POLR1C: variants seen among roughly 807,000 people sequenced by gnomAD.
The protein encoded by POLR1C is DNA-directed RNA polymerases I and III subunit RPAC1.
POLR1C carries 42 observed loss-of-function variants against 38.3 expected under a neutral mutation model. The ratio of observed to expected loss-of-function variants is 1.10; its 90% CI spans 0.86 to 1.42. The LOEUF is 1.42. Ranked by LOEUF, POLR1C falls within the 40% of genes most tolerant of loss-of-function variation. POLR1C has a pLI of 0.00. For synonymous variants in POLR1C, 163 were observed against 163.9 expected, an observed-to-expected ratio of 0.99 and a Z score of 0.04; for missense variants, 507 against 450.5, an observed-to-expected ratio of 1.13 and a Z score of -1.14.
chr6:43,551,234 A>T (rs1009597749), intron 10 of POLR1C: 4 of 1,460,998 alleles, frequency 2.7e-6, no homozygotes, highest in African/African-American at 1.5e-5. Flanking sequence ...CCAAAAAAAT[A>T]AAATAAATAA....
At chr6:43,519,543 T>A (rs1228081887) in intron 3 of POLR1C, 103 bp downstream of exon 3, 4 of 1,398,364 alleles carry the variant, frequency 2.9e-6, no homozygotes, top group Non-Finnish European at 4.1e-6. Flanking sequence ...TCCTTAATTT[T>A]CCTGGAATTT....
chr6:43,539,120 A>C, intron 9 of POLR1C: 1 of 1,219,264 alleles, frequency 8.2e-7, no homozygotes, highest in South Asian at 1.2e-5. Flanking sequence ...TGCAGGGATG[A>C]GGCGCACCAG....
At chr6:43,538,777 T>C in intron 9 of POLR1C, 2 of 698,532 alleles carry the variant, frequency 2.9e-6, no homozygotes, top group South Asian at 2.4e-5. Context: ...TTTTCTTTTT[T>C]TTTTTCCCAC....
At chr6:43,549,429 C>T in intron 9 of POLR1C, 1 of 1,499,830 alleles carries the variant, frequency 6.7e-7, no homozygotes, top group Non-Finnish European at 9.0e-7. Context: ...ACACTGAAAG[C>T]TGGATTTACA....
chr6:43,535,532 T>C (rs555008785), intron 9 of POLR1C, among the ~76,000 whole-genome samples: 2 of 152,200 alleles, frequency 1.3e-5, no homozygotes, highest in Admixed American at 6.6e-5. Context: ...TAAGCCTCCA[T>C]AGTTTGTTCT....
rs750361482 is a variant in POLR1C at position 43,562,354 on chromosome 6, AT to A, written c.*1004del. 27 of 1,593,732 alleles carry A rather than the reference AT, an allele frequency of 1.7e-5. No homozygotes were observed. Among genetic ancestry groups the A allele is most frequent in the Non-Finnish European group, 1.4e-5 (16 of 1,167,868 alleles). On this transcript the variant is annotated 3_prime_UTR_variant, in exon 11 of 11. Transcript: ENST00000607635. ...CCTCCTCCATCAGCAGTCCTGTAAG[AT>A]GAGAATTCCTTATATCACCAACAAA... is the stretch of plus-strand genomic sequence containing the variant.
chr6:43,519,660 G>T (rs753022922), intron 3 of POLR1C, 46 bp from the exon 4 acceptor site: 1 of 1,613,870 alleles, frequency 6.2e-7, no homozygotes, highest in Non-Finnish European at 8.5e-7. Context: ...ATAGGTAGGG[G>T]GTCTGTTGGG....
chr6:43,531,807 T>TC (rs920406631), downstream of POLR1C, among the ~76,000 whole-genome samples: 10 of 151,374 alleles, frequency 6.6e-5, no homozygotes, highest in African/African-American at 2.2e-4. Context: ...CTTTTTTTTT[T>TC]CCCCCAGATG....
downstream of POLR1C, chr6:43,523,752 T>C (rs748098205): frequency 1.3e-6 from 2 of 1,553,836 alleles, no homozygotes; most frequent in African/African-American, 2.7e-5. Context: ...TGGATCTCTT[T>C]CCAGGCTGAC....
At chr6:43,558,190 A>G (rs72859003) in intron 10 of POLR1C, among the ~76,000 whole-genome samples, 7,996 of 152,228 alleles carry the variant, frequency 0.053, 299 homozygotes, top group Non-Finnish European at 0.077. Flanking sequence ...TTTTTGGGGG[A>G]AAGAAATAAC....
intron 10 of POLR1C, among the ~76,000 whole-genome samples, chr6:43,558,151 G>C (rs1180223720): frequency 4.6e-5 from 7 of 151,584 alleles, no homozygotes; most frequent in East Asian, 3.9e-4. Flanking sequence ...AACAGAACTA[G>C]AATATTAGAA....
rs1793120686 is a variant in POLR1C, at chr6:43,520,725, G to A, written c.756G>A (p.Glu252=). 1.9e-6 allele frequency: 3 copies of A among 1,614,186 alleles called. No individual in the cohort carries two copies. The highest frequency in any genetic ancestry group is 2.2e-5 in the East Asian group (1 of 44,878). The change falls in exon 7 of 9, where the codon GAG becomes GAA. Residue 252 remains glutamate (E), a synonymous_variant. Coordinates refer to ENST00000642195, the MANE Select transcript of POLR1C (RefSeq NM_203290.4). ...CCGTGGAAGGGGAGGCAGCTGAGGA[G>A]TTGAGCAGGTGCTTCTCACCTGGTG... ...LEPVEGEAAE[E]LSRCFSPGVI...
downstream of POLR1C, among the ~76,000 whole-genome samples, chr6:43,521,882 G>A (rs1189173315): frequency 6.6e-6 from 1 of 152,154 alleles, no homozygotes; most frequent in Non-Finnish European, 1.5e-5. Context: ...AAGAACATCA[G>A]ATGTGCACTC....
chr6:43,558,628 G>A, intron 10 of POLR1C: 4 of 1,487,692 alleles, frequency 2.7e-6, no homozygotes, highest in African/African-American at 1.4e-5. Context: ...GGGGATGAAA[G>A]TGGACCCACT....
rs751906432 is a variant in POLR1C, at chr6:43,519,829, C to T, written c.373C>T (p.Arg125Trp). 11 of 1,614,036 alleles carry T rather than the reference C, an allele frequency of 6.8e-6. No homozygotes were observed. Among genetic ancestry groups the T allele is most frequent in the Admixed American group, 5.0e-5 (3 of 59,996 alleles). ...IHADPRLFEY[R>W]NQGDEEGTEI... Reference sequence around the variant, plus strand: ...TGCTGATCCCCGTCTTTTTGAGTATCGGAACCAAGGTGAGAAAATGAAATT... The same window carrying T: ...TGCTGATCCCCGTCTTTTTGAGTATTGGAACCAAGGTGAGAAAATGAAATT... Residue 125 changes from arginine to tryptophan, a missense_variant, in exon 4 of 9, where the codon CGG becomes TGG. Arg to Trp is a moderately radical substitution (Grantham distance 101). Transcript: ENST00000642195.
At chr6:43,529,733 A>G (rs1254521851), downstream of POLR1C, 1 of 158,750 alleles carries the variant, frequency 6.3e-6, no homozygotes, top group Non-Finnish European at 1.4e-5. Context: ...CACCCTGGGG[A>G]ACATAATACA....
At chr6:43,549,516 C>T (rs1411317124) in intron 9 of POLR1C, 2 of 1,613,176 alleles carry the variant, frequency 1.2e-6, no homozygotes, top group Admixed American at 1.7e-5. Context: ...AGTCACGACA[C>T]ATCTTGATGA....
At chr6:43,554,653 A>C (rs1195019481) in intron 10 of POLR1C, among the ~76,000 whole-genome samples, 1 of 151,292 alleles carries the variant, frequency 6.6e-6, no homozygotes, top group Non-Finnish European at 1.5e-5. Context: ...TGAACTCCTG[A>C]CCTCAGGTGA....
intron 10 of POLR1C, among the ~76,000 whole-genome samples, chr6:43,559,693 C>T (rs1762303482): frequency 1.3e-5 from 2 of 152,224 alleles, no homozygotes; most frequent in Non-Finnish European, 1.5e-5. Flanking sequence ...ATATTAAGTA[C>T]TCTCATATGG....
Sources: allele counts gnomAD v4.1 joint callset (sites outside exome capture counted in the v4.1 genomes callset), GRCh38; gene constraint gnomAD v4.1.1; transcripts MANE v1.5; gene names NCBI Gene and HGNC (gene_info 2026-07-23, HGNC 2026-07-21).